The following NRXN2 variants were observed in gnomAD, a reference collection of about 807,000 sequenced individuals.
The protein encoded by NRXN2 is neurexin-2-beta.
Under a neutral mutation model 128.8 loss-of-function variants are expected in NRXN2, and 29 were observed. That is an observed-to-expected ratio of 0.23 (90% CI 0.17 to 0.31). The LOEUF (loss-of-function observed/expected upper bound fraction) is 0.31. NRXN2 is among the 10% of genes least tolerant of loss of function. The pLI is 1.00. For missense variants in NRXN2, 1,881 were observed against 2,452.6 expected (o/e 0.77, Z 4.92); for synonymous variants, 1,098 against 1,075.2 (o/e 1.02, Z -0.41).
intron 3 of NRXN2, among the ~76,000 whole-genome samples, chr11:64,696,739 T>C (rs2054603227): frequency 6.6e-6 from 1 of 152,050 alleles, no homozygotes; most frequent in Admixed American, 6.5e-5. Flanking sequence ...TTTCCTCTCC[T>C]CCTCCCCAGG....
chr11:64,699,561 C>T (rs1038180859), intron 2 of NRXN2, among the ~76,000 whole-genome samples: 3 of 150,724 alleles, frequency 2.0e-5, no homozygotes, highest in Non-Finnish European at 4.4e-5. Context: ...CTCCGGCATG[C>T]GCTACCACAC....
rs2043808929 is a variant in NRXN2, at chr11:64,630,904, G to A, written c.3586-331C>T. ...ACTGGGCCCAGACAGGGGTGATCGGGCCAAGCTGGGGACCAGCTCGGGGCA... is the reference window on the plus strand; with the variant it reads ...ACTGGGCCCAGACAGGGGTGATCGGACCAAGCTGGGGACCAGCTCGGGGCA... On this transcript the variant is annotated intron_variant, in intron 18 of 22. Coordinates refer to ENST00000265459, the MANE Select transcript of NRXN2 (RefSeq NM_015080.4). This position sits in a 1 kb window ranked among gnomAD's most constrained non-coding sequence, Gnocchi z 4.6. 6.6e-6 allele frequency among the ~76,000 whole-genome samples: 1 copy of A among 152,206 alleles called. No homozygotes were observed. The highest frequency in any genetic ancestry group is 2.4e-5 in the African/African-American group (1 of 41,448).
At chr11:64,653,870 C>T in intron 11 of NRXN2, 148 bp from the exon 12 acceptor site, 1 of 627,836 alleles carries the variant, frequency 1.6e-6, no homozygotes, top group Non-Finnish European at 2.8e-6. Flanking sequence ...TGCCCAGGTG[C>T]CCTCTTCCCT....
intron 7 of NRXN2, 71 bp from the exon 8 acceptor site, chr11:64,668,675 T>A: frequency 6.3e-7 from 1 of 1,582,938 alleles, no homozygotes; most frequent in South Asian, 1.1e-5. Context: ...GAGCTACGGC[T>A]AGGCAAAGGA....
chr11:64,660,918 C>A lies in NRXN2; in HGVS notation c.2020G>T (p.Ala674Ser). ...ACGCCCACAGCCCCCTGAGCCTCAG[C>A]CAGGCCCCGGAGGTCTCGGCTACGC... ...DGRSRDLRGL[A>S]EAQGAVGVAP... The change falls in exon 10 of 23, where the codon GCT (alanine) becomes TCT (serine). Residue 674 changes from alanine (A) to serine (S), a missense_variant. This residue lies in a region of NRXN2 where 997 missense variants were observed against 1,240.8 expected (regional missense o/e 0.80). Transcript: ENST00000265459. This position sits in a 1 kb window ranked among gnomAD's most constrained non-coding sequence, Gnocchi z 5.2. The A allele has an allele frequency of 1.2e-6, 2 of 1,613,608 alleles. No homozygotes were observed. The highest frequency in any genetic ancestry group is 8.5e-7 in the Non-Finnish European group (1 of 1,179,762).
At chr11:64,676,495 G>A (rs1036595451) in intron 7 of NRXN2, 3 of 168,274 alleles carry the variant, frequency 1.8e-5, no homozygotes, top group Admixed American at 5.8e-5. Flanking sequence ...AAACTTGAGC[G>A]GCCCTGTCCA....
At chr11:64,625,475 C>G (rs2042947221) in intron 20 of NRXN2, among the ~76,000 whole-genome samples, 1 of 152,194 alleles carries the variant, frequency 6.6e-6, no homozygotes, top group Non-Finnish European at 1.5e-5. Context: ...TTTATCACAT[C>G]TGGTTATCAG....
intron 3 of NRXN2, among the ~76,000 whole-genome samples, chr11:64,693,473 CCAA>C (rs2054112679): frequency 6.6e-6 from 1 of 152,074 alleles, no homozygotes; most frequent in African/African-American, 2.4e-5. Flanking sequence ...AAGGGGGCCT[CCAA>C]CCCCCCAACA....
chr11:64,609,665 C>A (rs535045886), intron 22 of NRXN2, among the ~76,000 whole-genome samples: 1 of 152,348 alleles, frequency 6.6e-6, no homozygotes, highest in South Asian at 2.1e-4. Flanking sequence ...AATTGTGCAA[C>A]CTCCTGGTTT....
chr11:64,668,710 G>A (rs951009819), intron 7 of NRXN2, 106 bp from the exon 8 acceptor site: 126 of 1,269,342 alleles, frequency 9.9e-5, no homozygotes, highest in Non-Finnish European at 1.3e-4. Flanking sequence ...GCAGGGGAGG[G>A]GGACCCCCAT....
In NRXN2 at chr11:64,676,991, A is replaced by G. The variant is rs762018225; in HGVS notation, c.1197+2T>C. The G allele has an allele frequency of 1.9e-6, 3 of 1,610,522 alleles. No homozygotes were observed. The highest frequency in any genetic ancestry group is 2.5e-6 in the Non-Finnish European group (3 of 1,178,090). ...CGGTAAGACAATTAGAGTGATATCT[A>G]CCAGATAATGCAGTTTGTTTACCAT... On this transcript the variant is annotated splice_donor_variant, in intron 7 of 22. Transcript: ENST00000265459. LOFTEE classifies it high-confidence loss of function.
chr11:64,636,321 G>A (rs1312789332), intron 17 of NRXN2, among the ~76,000 whole-genome samples: 1 of 145,388 alleles, frequency 6.9e-6, no homozygotes, highest in Non-Finnish European at 1.5e-5. Context: ...CGGGTGTGAG[G>A]TCCCTAACGA....
intron 22 of NRXN2, 58 bp downstream of exon 22, chr11:64,620,236 C>A (rs2042113840): frequency 5.0e-6 from 7 of 1,390,194 alleles, no homozygotes; most frequent in Non-Finnish European, 7.0e-6. Context: ...GACAGTCGCC[C>A]CCCTCCCAGC....
At chr11:64,665,278 TC>T (rs1446023554) in intron 9 of NRXN2, among the ~76,000 whole-genome samples, 1 of 145,576 alleles carries the variant, frequency 6.9e-6, no homozygotes, top group Non-Finnish European at 1.5e-5. Flanking sequence ...AGACTCCATC[TC>T]AAAAAAAAAA....
chr11:64,672,006 C>A (rs1200026786), intron 7 of NRXN2, among the ~76,000 whole-genome samples: 1 of 152,154 alleles, frequency 6.6e-6, no homozygotes, highest in Non-Finnish European at 1.5e-5. Context: ...CCAACCCATG[C>A]CAACCCACTC....
Position 64,622,940 on chromosome 11 carries a change from G to C in NRXN2, c.3986C>G (p.Pro1329Arg). ...KVLALAAESD[P>R]NVRTEGHLRL... ...CAGGTGACCCTCAGTCCGCACATTG[G>C]GGTCGCTCTCGGCGGCCAGCGCCAG... The change falls in exon 21 of 23, where the codon CCC becomes CGC. Residue 1329 changes from proline (P) to arginine (R), a missense_variant. Pro to Arg is a moderately radical substitution (Grantham distance 103). Coordinates refer to ENST00000265459, the MANE Select transcript of NRXN2 (RefSeq NM_015080.4). This position sits in a 1 kb window ranked among gnomAD's most constrained non-coding sequence, Gnocchi z 4.3. 6.2e-7 allele frequency: 1 copy of C among 1,613,312 alleles called. No homozygotes were observed.
At position 64,714,798 on chromosome 11, in the gene NRXN2, A is replaced by C. The variant is rs1302781891; in HGVS notation, c.-244-855T>G. Among the ~76,000 whole-genome samples, 2 of 152,040 alleles carry C rather than the reference A, an allele frequency of 1.3e-5. No individual in the cohort carries two copies. The highest frequency in any genetic ancestry group is 2.9e-5 in the Non-Finnish European group (2 of 67,994). ...AGGAGGCAGGCAGGCTCATTTGCAT[A>C]AAATTGCCTTTCTGAAATGATTACC... is the stretch of plus-strand genomic sequence containing the variant. On this transcript the variant is annotated intron_variant, in intron 1 of 22. Transcript: ENST00000265459. This position sits in a 1 kb window ranked among gnomAD's most constrained non-coding sequence, Gnocchi z 4.5.
rs917755632 is a variant in NRXN2 at position 64,632,000 on chromosome 11, T to C, written c.3586-1427A>G. 6.6e-6 allele frequency among the ~76,000 whole-genome samples: 1 copy of C among 152,188 alleles called. No homozygotes were observed. The highest frequency in any genetic ancestry group is 1.5e-5 in the Non-Finnish European group (1 of 68,038). Reference sequence around the variant, plus strand: ...AACACACTACACTCCTGGGGTCTTCTTGAAAGACTGCCCCAGTCTGGCCTG... The same window carrying C: ...AACACACTACACTCCTGGGGTCTTCCTGAAAGACTGCCCCAGTCTGGCCTG... On this transcript the variant is annotated intron_variant, in intron 18 of 22. Transcript: ENST00000265459. This position sits in a 1 kb window ranked among gnomAD's most constrained non-coding sequence, Gnocchi z 4.8.
chr11:64,707,380 G>A (rs1014457181), intron 2 of NRXN2, among the ~76,000 whole-genome samples: 23 of 147,130 alleles, frequency 1.6e-4, no homozygotes, highest in Non-Finnish European at 3.3e-4. Flanking sequence ...GCGAGACTCC[G>A]TCTCAAAAAA....
Sources: gnomAD v4.1 joint callset for allele counts (sites outside exome capture counted in the v4.1 genomes callset) on GRCh38, gnomAD v4.1.1 for gene constraint, gnomAD v4.1.1 regional missense constraint, Gnocchi (gnomAD v3.1) non-coding constraint, MANE v1.5 for transcripts, NCBI Gene and HGNC (gene_info 2026-07-23, HGNC 2026-07-21) for gene names.